OTUD7A: variants seen among roughly 807,000 people sequenced by gnomAD.
OTUD7A encodes the protein OTU deubiquitinase 7A.
A neutral mutation model predicts 65.7 loss-of-function variants in OTUD7A; 12 were observed. That is an observed-to-expected ratio of 0.18 (90% CI 0.12 to 0.30). The LOEUF (loss-of-function observed/expected upper bound fraction) is 0.30. OTUD7A is among the 10% of genes least tolerant of loss of function. The pLI, the probability that OTUD7A is intolerant of heterozygous loss-of-function variation, is 1.00. For synonymous variants in OTUD7A, 641 were observed against 586.3 expected (o/e 1.09, Z -1.35); for missense variants, 1,148 against 1,304.8 (o/e 0.88, Z 1.85).
At chr15:31,696,869 T>C (rs899097926) in intron 1 of OTUD7A, among the ~76,000 whole-genome samples, 1 of 149,862 alleles carries the variant, frequency 6.7e-6, no homozygotes, top group African/African-American at 2.4e-5. Flanking sequence ...AAGCATCTTG[T>C]TGCTCAGCAA....
At chr15:31,723,489 CT>C (rs1292731594) in intron 1 of OTUD7A, among the ~76,000 whole-genome samples, 2 of 143,946 alleles carry the variant, frequency 1.4e-5, no homozygotes, top group Non-Finnish European at 3.0e-5. Flanking sequence ...GTCATACATC[CT>C]TCTGGACTTT....
In OTUD7A at chr15:31,669,754, C is replaced by T. The variant is rs1892432333; in HGVS notation, c.-99-12677G>A. 3.9e-5 allele frequency among the ~76,000 whole-genome samples: 6 copies of T among 152,202 alleles called. 1 individual carries two copies. In the South Asian group the frequency reaches 1.2e-3, roughly 32 times the overall value. ...TTTCCCCCCTCCTCTGGCTTCCCTC[C>T]CAAAGGATCCCTGTGGTGCCAGGCA... On this transcript the variant is annotated intron_variant, in intron 1 of 12. Coordinates refer to ENST00000307050, the MANE Select transcript of OTUD7A (RefSeq NM_001382637.1).
At chr15:31,599,894 G>C (rs541623560) in intron 3 of OTUD7A, among the ~76,000 whole-genome samples, 3 of 152,184 alleles carry the variant, frequency 2.0e-5, no homozygotes, top group African/African-American at 7.2e-5. Flanking sequence ...GGATATCAGA[G>C]ATTGAAGATC....
chr15:31,679,716 A>G (rs1459851892), intron 1 of OTUD7A, among the ~76,000 whole-genome samples: 2 of 152,202 alleles, frequency 1.3e-5, no homozygotes, highest in East Asian at 1.9e-4. Flanking sequence ...CTGTGAGCCA[A>G]TTAAACCTCT....
intron 3 of OTUD7A, among the ~76,000 whole-genome samples, chr15:31,605,031 G>A (rs1890197484): frequency 6.6e-6 from 1 of 152,224 alleles, no homozygotes; most frequent in Middle Eastern, 3.2e-3. Flanking sequence ...AGTGTGGCTA[G>A]GACGCATGGC....
At chr15:31,669,096 T>A (rs1289828120) in intron 1 of OTUD7A, among the ~76,000 whole-genome samples, 2 of 152,196 alleles carry the variant, frequency 1.3e-5, no homozygotes, top group African/African-American at 4.8e-5. Context: ...TTAGCTTTGG[T>A]GGTTTAATAT....
intron 3 of OTUD7A, among the ~76,000 whole-genome samples, chr15:31,623,600 T>G (rs1194235938): frequency 2.0e-5 from 3 of 152,264 alleles, no homozygotes; most frequent in African/African-American, 7.2e-5. Context: ...TTCCATTTGC[T>G]AAGACCATTG....
intron 1 of OTUD7A, among the ~76,000 whole-genome samples, chr15:31,856,128 T>A (rs1171646925): frequency 1.3e-5 from 2 of 152,262 alleles, no homozygotes; most frequent in Admixed American, 1.3e-4. Context: ...AAGTCTTTAA[T>A]CACTAAATAA....
intron 6 of OTUD7A, among the ~76,000 whole-genome samples, chr15:31,529,492 G>A (rs1031198838): frequency 2.6e-5 from 4 of 152,112 alleles, no homozygotes; most frequent in African/African-American, 9.7e-5. Context: ...GGTGGGGGTC[G>A]CTGATTTTCA....
chr15:31,689,419 G>A (rs1001500124), intron 1 of OTUD7A: 3 of 149,072 alleles, frequency 2.0e-5, no homozygotes, highest in African/African-American at 7.4e-5. Flanking sequence ...ACACTGCGCC[G>A]TCCCTGCTGG....
chr15:31,766,837 T>C, intron 1 of OTUD7A: 1 of 1,612,172 alleles, frequency 6.2e-7, no homozygotes, highest in Non-Finnish European at 8.5e-7. Context: ...ATTTTGTCCT[T>C]CTATGTTCGG....
intron 5 of OTUD7A, among the ~76,000 whole-genome samples, chr15:31,533,259 C>CA (rs1337383756): frequency 7.4e-6 from 1 of 134,474 alleles, no homozygotes; most frequent in Non-Finnish European, 1.5e-5. Context: ...TTTTTTGAGA[C>CA]AGAGTCTTGC....
intron 8 of OTUD7A, among the ~76,000 whole-genome samples, chr15:31,525,555 G>A (rs986755561): frequency 6.6e-6 from 1 of 152,248 alleles, no homozygotes; most frequent in East Asian, 1.9e-4. Context: ...GGGCCCATGA[G>A]CCTGAGGGCA....
intron 3 of OTUD7A, among the ~76,000 whole-genome samples, chr15:31,602,944 G>C (rs957087959): frequency 1.3e-5 from 2 of 152,078 alleles, no homozygotes; most frequent in African/African-American, 4.8e-5. Context: ...AATAAGAGAG[G>C]ACACAAATAA....
chr15:31,665,997 G>A (rs1176876735), intron 1 of OTUD7A, among the ~76,000 whole-genome samples: 7 of 150,274 alleles, frequency 4.7e-5, no homozygotes, highest in South Asian at 4.2e-4. Flanking sequence ...TTCATCCCTC[G>A]TATGAAACCC....
chr15:31,623,186 C>T (rs564767673), intron 3 of OTUD7A, among the ~76,000 whole-genome samples: 3 of 152,212 alleles, frequency 2.0e-5, no homozygotes, highest in Non-Finnish European at 4.4e-5. Context: ...TTCGGGGGTG[C>T]CTTCCAGTTA....
intron 1 of OTUD7A, among the ~76,000 whole-genome samples, chr15:31,768,726 A>G (rs913562280): frequency 6.6e-6 from 1 of 152,138 alleles, no homozygotes; most frequent in African/African-American, 2.4e-5. Context: ...TAAGACACCT[A>G]CAACATAAAG....
rs146063694 is a variant in OTUD7A at position 31,721,567 on chromosome 15, A to C, written c.-99-64490T>G. Among the ~76,000 whole-genome samples, 868 of 152,196 alleles carry C rather than the reference A, an allele frequency of 5.7e-3. 8 individuals are homozygous for C. The highest frequency in any genetic ancestry group is 0.02 in the African/African-American group (830 of 41,468). On this transcript the variant is annotated intron_variant, in intron 1 of 12. Transcript: ENST00000307050. ...TAGCCTTTTCAAGCATTTTTAAAGA[A>C]TGAGTTGAAAATCAAGTAAAAAAGA...
intron 1 of OTUD7A, among the ~76,000 whole-genome samples, chr15:31,758,832 C>T (rs1467733648): frequency 1.3e-5 from 2 of 151,652 alleles, no homozygotes; most frequent in African/African-American, 2.4e-5. Context: ...CCAGTATTTA[C>T]CATACAAAAA....
Sources: allele counts gnomAD v4.1 joint callset (sites outside exome capture counted in the v4.1 genomes callset), GRCh38; gene constraint gnomAD v4.1.1; transcripts MANE v1.5; gene names NCBI Gene and HGNC (gene_info 2026-07-23, HGNC 2026-07-21).